TTLL11: variants seen among roughly 807,000 people sequenced by gnomAD.
TTLL11 encodes the protein tubulin polyglutamylase TTLL11.
TTLL11 carries 42 observed loss-of-function variants against 51.7 expected under a neutral mutation model. The ratio of observed to expected loss-of-function variants is 0.81; its 90% CI spans 0.64 to 1.05. TTLL11 has a LOEUF of 1.05. Ranked by LOEUF, TTLL11 falls within the 50% of genes least tolerant of loss-of-function variation. The pLI is 0.00. For synonymous variants in TTLL11, 381 were observed against 383.5 expected, an observed-to-expected ratio of 0.99 and a Z score of 0.08; for missense variants, 799 against 940.4, an observed-to-expected ratio of 0.85 and a Z score of 1.97.
At chr9:121,872,290 T>C (rs1002676596) in intron 6 of TTLL11, among the ~76,000 whole-genome samples, 4 of 152,340 alleles carry the variant, frequency 2.6e-5, no homozygotes, top group Admixed American at 1.3e-4. Flanking sequence ...CAGGTCCCTC[T>C]CTCTCATGCC....
intron 8 of TTLL11, among the ~76,000 whole-genome samples, chr9:121,858,886 T>C (rs1837912194): frequency 1.3e-5 from 2 of 152,218 alleles, no homozygotes; most frequent in Admixed American, 1.3e-4. Context: ...CCTGACTTCA[T>C]GTCCTCTCCA....
intron 4 of TTLL11, among the ~76,000 whole-genome samples, chr9:121,984,335 A>G (rs890489369): frequency 6.6e-6 from 1 of 152,258 alleles, no homozygotes; most frequent in African/African-American, 2.4e-5. Flanking sequence ...CAGATAACAA[A>G]CAATGGAATA....
At chr9:121,845,539 AG>A (rs1481818359) in intron 8 of TTLL11, among the ~76,000 whole-genome samples, 1 of 152,212 alleles carries the variant, frequency 6.6e-6, no homozygotes, top group Non-Finnish European at 1.5e-5. Context: ...TTGATCTAAT[AG>A]ATAATTGTTC....
At chr9:122,065,165 A>C (rs761740773) in intron 1 of TTLL11, among the ~76,000 whole-genome samples, 5 of 152,206 alleles carry the variant, frequency 3.3e-5, no homozygotes, top group Admixed American at 1.3e-4. Flanking sequence ...GATTCTTAGG[A>C]TCAGACAAGT....
intron 4 of TTLL11, among the ~76,000 whole-genome samples, chr9:121,976,437 G>A (rs1388195850): frequency 6.6e-6 from 1 of 152,172 alleles, no homozygotes; most frequent in Non-Finnish European, 1.5e-5. Flanking sequence ...CGATTTTCCA[G>A]AGGACTCTCA....
At position 121,907,436 on chromosome 9, in the gene TTLL11, G is replaced by A. The variant is rs150125696; in HGVS notation, c.1482-36688C>T. Among the ~76,000 whole-genome samples the A allele has an allele frequency of 5.1e-3, 740 of 144,998 alleles. 10 individuals are homozygous for A. The highest frequency in any genetic ancestry group is 0.018 in the African/African-American group (690 of 37,764). Reference sequence around the variant, plus strand: ...CTGCACTCCAGCCTGGGAAACAAGAGCAAAACTCTGTCTCAAAAAAAAAAA... The same window carrying A: ...CTGCACTCCAGCCTGGGAAACAAGAACAAAACTCTGTCTCAAAAAAAAAAA... On this transcript the variant is annotated intron_variant, in intron 6 of 8. Coordinates refer to ENST00000321582, the MANE Select transcript of TTLL11 (RefSeq NM_001139442.2).
rs778040735 is a variant in TTLL11 at position 122,031,704 on chromosome 9, G to A, written c.693+19C>T. 4 of 1,610,936 alleles carry A rather than the reference G, an allele frequency of 2.5e-6. No homozygotes were observed. Among genetic ancestry groups the A allele is most frequent in the Non-Finnish European group, 3.4e-6 (4 of 1,179,216 alleles). ...AGCATAATATAATTCAGGGGTCATG[G>A]GGACGGAGTGCCATCTACCTGAGCA... On this transcript the variant is annotated intron_variant, in intron 3 of 8. Coordinates refer to ENST00000321582, the MANE Select transcript of TTLL11 (RefSeq NM_001139442.2).
intron 3 of TTLL11, among the ~76,000 whole-genome samples, chr9:122,000,471 C>CAAAAAAAA (rs57775265): frequency 1.8e-4 from 4 of 22,812 alleles, no homozygotes; most frequent in Non-Finnish European, 2.7e-4. Context: ...GACTCCGTCG[C>CAAAAAAAA]AAAAAAAAAA....
At position 122,092,698 on chromosome 9, in the gene TTLL11, T is replaced by C. The variant is rs1265338924; in HGVS notation, c.451A>G (p.Lys151Glu). The change falls in exon 1 of 9, where the codon AAG becomes GAG. Residue 151 changes from lysine to glutamate, a missense_variant. Physicochemically the swap from Lys to Glu is moderately conservative, Grantham distance 56. Coordinates refer to ENST00000321582, the MANE Select transcript of TTLL11 (RefSeq NM_001139442.2). Reference protein sequence around the residue: ...DALKISIRQLKWKEFPFGRRL... With the variant: ...DALKISIRQLEWKEFPFGRRL... ...GGGCCGGGCCTCACCTCCTTCCACT[T>C]GAGCTGGCGGATGCTGATCTTCAGG... 3.3e-6 allele frequency: 5 copies of C among 1,535,448 alleles called. No individual in the cohort carries two copies. Among genetic ancestry groups the C allele is most frequent in the Non-Finnish European group, 4.4e-6 (5 of 1,145,618 alleles).
rs1554756738 is a variant in TTLL11 at position 121,826,553 on chromosome 9, G to GTGTATATATATATATATATA, written c.1841-3675_1841-3674insTATATATATATATATATACA. 4.9e-3 allele frequency among the ~76,000 whole-genome samples: 221 copies of GTGTATATATATATATATATA among 45,198 alleles called. 3 individuals carry two copies. Among genetic ancestry groups the GTGTATATATATATATATATA allele is most frequent in the Non-Finnish European group, 6.2e-3 (167 of 26,956 alleles). 29.7% of individuals were successfully genotyped at this position (45,198 alleles called of 152,430 possible). On this transcript the variant is annotated intron_variant, in intron 8 of 8. Coordinates refer to ENST00000321582, the MANE Select transcript of TTLL11 (RefSeq NM_001139442.2). ...TGTGTGTGTGTATATATATATATGT[G>GTGTATATATATATATATATA]TGTGTATATATATATATATATATAT... is the stretch of plus-strand genomic sequence containing the variant.
chr9:122,004,517 T>A (rs1207751586), intron 3 of TTLL11, among the ~76,000 whole-genome samples: 1 of 152,016 alleles, frequency 6.6e-6, no homozygotes, highest in African/African-American at 2.4e-5. Flanking sequence ...GCCCAGCTAA[T>A]TTTGTATTTT....
At position 121,821,405 on chromosome 9, in the gene TTLL11, C is replaced by T. The variant is rs563827047; in HGVS notation, c.*1182G>A. Among the ~76,000 whole-genome samples, 2 of 152,292 alleles carry T rather than the reference C, an allele frequency of 1.3e-5. No individual in the cohort carries two copies. The highest frequency in any genetic ancestry group is 3.9e-4 in the East Asian group (2 of 5,174). Reference sequence around the variant, plus strand: ...ACCTCGCTTGGAGCACGATGACTGACTCTTCCCAGGTTCCTCAGCATCCTT... The same window carrying T: ...ACCTCGCTTGGAGCACGATGACTGATTCTTCCCAGGTTCCTCAGCATCCTT... On this transcript the variant is annotated 3_prime_UTR_variant, in exon 9 of 9. Coordinates refer to ENST00000321582, the MANE Select transcript of TTLL11 (RefSeq NM_001139442.2). The surrounding 1 kb of genome is among the most constrained non-coding windows in gnomAD (Gnocchi z 5.0).
At chr9:122,087,439 A>C (rs1229391824) in intron 1 of TTLL11, among the ~76,000 whole-genome samples, 1 of 152,236 alleles carries the variant, frequency 6.6e-6, no homozygotes, top group East Asian at 1.9e-4. Flanking sequence ...ACAATATAGT[A>C]AGTGTATACT....
intron 1 of TTLL11, among the ~76,000 whole-genome samples, chr9:122,081,801 A>AGG (rs945752451): frequency 3.4e-4 from 52 of 152,340 alleles, no homozygotes; most frequent in African/African-American, 1.3e-3. Context: ...AATAACCAAC[A>AGG]GGGGGAAATA....
At chr9:121,832,240 T>C (rs1345472828) in intron 8 of TTLL11, among the ~76,000 whole-genome samples, 1 of 152,152 alleles carries the variant, frequency 6.6e-6, no homozygotes, top group Non-Finnish European at 1.5e-5. Context: ...CACCTAGCTC[T>C]TGGGGACACT....
intron 8 of TTLL11, among the ~76,000 whole-genome samples, chr9:121,827,082 T>A (rs1836835646): frequency 6.6e-6 from 1 of 152,196 alleles, no homozygotes; most frequent in South Asian, 2.1e-4. Context: ...TTTGGACCCA[T>A]AACAGTCTGA....
At chr9:121,940,409 C>G (rs1465787956) in intron 6 of TTLL11, among the ~76,000 whole-genome samples, 1 of 151,640 alleles carries the variant, frequency 6.6e-6, no homozygotes, top group African/African-American at 2.4e-5. Context: ...ATGATCTCGG[C>G]TCACCACAAC....
chr9:121,957,617 G>C (rs1299270737), intron 6 of TTLL11, among the ~76,000 whole-genome samples: 1 of 152,182 alleles, frequency 6.6e-6, no homozygotes, highest in Non-Finnish European at 1.5e-5. Context: ...CTTCCCAAGG[G>C]GCAAGGAGTC....
At chr9:121,975,205 C>T (rs1031048183) in intron 4 of TTLL11, among the ~76,000 whole-genome samples, 1 of 152,196 alleles carries the variant, frequency 6.6e-6, no homozygotes, top group Non-Finnish European at 1.5e-5. Context: ...CGTTTCAGCA[C>T]TGTCTTTGTC....
Sources: allele counts gnomAD v4.1 joint callset (sites outside exome capture counted in the v4.1 genomes callset), GRCh38; gene constraint gnomAD v4.1.1; non-coding constraint Gnocchi (gnomAD v3.1); transcripts MANE v1.5; gene names NCBI Gene and HGNC (gene_info 2026-07-23, HGNC 2026-07-21).